Variants in DPP10 observed in about 807,000 individuals in gnomAD.
DPP10 encodes inactive dipeptidyl peptidase 10.
A neutral mutation model predicts 120.9 loss-of-function variants in DPP10; 33 were observed. The ratio of observed to expected loss-of-function variants is 0.27; its 90% confidence interval spans 0.21 to 0.37. The LOEUF (loss-of-function observed/expected upper bound fraction) is 0.37. DPP10 is among the 10% of genes least tolerant of loss of function. The probability of loss-of-function intolerance (pLI) is 1.00; values close to 1 mark genes in which losing one functional copy is unlikely to be tolerated. For missense variants in DPP10, 816 were observed against 942.8 expected (o/e 0.87, Z 1.76); for synonymous variants, 337 against 326.1 (o/e 1.03, Z -0.36).
chr2:115,187,326 G>A (rs554916118), intron 1 of DPP10, among the ~76,000 whole-genome samples: 41 of 152,006 alleles, frequency 2.7e-4, no homozygotes, highest in Admixed American at 1.9e-3. Flanking sequence ...GTGAGCCACC[G>A]CGCCCGGCCG....
chr2:115,269,914 G>T (rs928087788), intron 1 of DPP10, among the ~76,000 whole-genome samples: 1 of 152,088 alleles, frequency 6.6e-6, no homozygotes, highest in African/African-American at 2.4e-5. Context: ...TTGATCTTGA[G>T]GTTGTAAAGT....
chr2:114,548,299 A>G (rs1167976311), intron 1 of DPP10, among the ~76,000 whole-genome samples: 4 of 152,200 alleles, frequency 2.6e-5, no homozygotes, highest in Non-Finnish European at 5.9e-5. Flanking sequence ...TCATAGCACC[A>G]TGCTCAGAAA....
At chr2:114,481,175 G>A (rs749523406) in intron 1 of DPP10, among the ~76,000 whole-genome samples, 13 of 151,944 alleles carry the variant, frequency 8.6e-5, no homozygotes, top group African/African-American at 1.9e-4. Flanking sequence ...TGCAAACTAC[G>A]TATTCAATGA....
At chr2:114,664,486 G>A (rs919943367) in intron 1 of DPP10, among the ~76,000 whole-genome samples, 3 of 151,796 alleles carry the variant, frequency 2.0e-5, no homozygotes, top group South Asian at 2.1e-4. Context: ...AAACTTAGCC[G>A]GGTGTGGTGG....
chr2:114,461,982 C>A, intron 1 of DPP10: 1 of 985,324 alleles, frequency 1.0e-6, no homozygotes, highest in East Asian at 1.1e-4. Context: ...AGAAGTCTCC[C>A]TGCTGAATCG....
intron 3 of DPP10, among the ~76,000 whole-genome samples, chr2:115,455,034 G>A (rs1488883600): frequency 6.6e-6 from 1 of 150,528 alleles, no homozygotes. Context: ...TATTAATATA[G>A]CATAATTATA....
chr2:114,770,284 A>C (rs1681133755), intron 1 of DPP10, among the ~76,000 whole-genome samples: 1 of 152,178 alleles, frequency 6.6e-6, no homozygotes, highest in East Asian at 1.9e-4. Context: ...ATACCTCTAG[A>C]AGGCTCCTAG....
chr2:114,947,058 A>G (rs1697415857), intron 1 of DPP10, among the ~76,000 whole-genome samples: 1 of 152,112 alleles, frequency 6.6e-6, no homozygotes, highest in Admixed American at 6.5e-5. Context: ...CTAAACGTTC[A>G]AACGTATTGC....
intron 1 of DPP10, among the ~76,000 whole-genome samples, chr2:114,530,491 T>C (rs1685876628): frequency 6.6e-6 from 1 of 152,108 alleles, no homozygotes; most frequent in South Asian, 2.1e-4. Context: ...AGTTTGGGAA[T>C]AAACATAGCC....
At chr2:115,636,134 C>T (rs2086308822) in intron 5 of DPP10, among the ~76,000 whole-genome samples, 1 of 148,964 alleles carries the variant, frequency 6.7e-6, no homozygotes, top group African/African-American at 2.5e-5. Context: ...ATGTTGACCT[C>T]AGTCTAATCG....
rs1343153881 is a variant in DPP10, at chr2:115,590,180, T to TATTATTATTATTATG, written c.441+64213_441+64214insTATTATTATGATTAT. Reference sequence around the variant, plus strand: ...TTATTATTATTATTATTATTATTATTATTATACTTTAAGTTCTAGGGTACA... The same window carrying TATTATTATTATTATG: ...TTATTATTATTATTATTATTATTATTATTATTATTATTATGATTATACTTTAAGTTCTAGGGTACA... On this transcript the variant is annotated intron_variant, in intron 5 of 25. Coordinates refer to ENST00000410059, the MANE Select transcript of DPP10 (RefSeq NM_020868.6). Among the ~76,000 whole-genome samples the TATTATTATTATTATG allele has an allele frequency of 2.6e-5, 3 of 115,776 alleles. No individual in the cohort carries two copies. The East Asian group carries it at 6.9e-4, about 27-fold the overall frequency. 76.0% of individuals were successfully genotyped at this position (115,776 alleles called of 152,430 possible).
chr2:114,945,258 G>T (rs775910218), intron 1 of DPP10, among the ~76,000 whole-genome samples: 1 of 152,132 alleles, frequency 6.6e-6, no homozygotes, highest in Non-Finnish European at 1.5e-5. Context: ...AAAAGTAAAA[G>T]CTTCTGCTCT....
intron 1 of DPP10, among the ~76,000 whole-genome samples, chr2:115,036,626 C>T (rs1391521972): frequency 1.3e-5 from 2 of 152,244 alleles, no homozygotes; most frequent in East Asian, 1.9e-4. Flanking sequence ...AGACAAACTA[C>T]TTTCTGCTTT....
chr2:115,334,942 T>C (rs1254183636), intron 2 of DPP10, among the ~76,000 whole-genome samples: 2 of 151,390 alleles, frequency 1.3e-5, no homozygotes, highest in African/African-American at 2.4e-5. Context: ...TCTACTACTG[T>C]ATTAGTTCAT....
intron 3 of DPP10, among the ~76,000 whole-genome samples, chr2:115,345,243 G>A (rs1248725285): frequency 6.6e-6 from 1 of 152,078 alleles, no homozygotes; most frequent in Non-Finnish European, 1.5e-5. Context: ...TAATGAATCT[G>A]TATATTTTTA....
chr2:114,923,472 C>CTTTTTTTTTTTTT, intron 1 of DPP10, among the ~76,000 whole-genome samples: 1 of 69,422 alleles, frequency 1.4e-5, no homozygotes, highest in Non-Finnish European at 2.5e-5. Context: ...GCCTTTTTTC[C>CTTTTTTTTTTTTT]TTTTTTTTTT....
At chr2:115,055,418 T>G (rs762886936) in intron 1 of DPP10, among the ~76,000 whole-genome samples, 2 of 152,322 alleles carry the variant, frequency 1.3e-5, no homozygotes, top group Admixed American at 6.5e-5. Context: ...AAAAGTGGCT[T>G]TCATTTCCAA....
At chr2:115,335,100 G>A (rs1288754082) in intron 2 of DPP10, among the ~76,000 whole-genome samples, 1 of 151,780 alleles carries the variant, frequency 6.6e-6, no homozygotes, top group Non-Finnish European at 1.5e-5. Context: ...GGGGATGGCA[G>A]GAGGCAAAAA....
intron 10 of DPP10, among the ~76,000 whole-genome samples, chr2:115,749,599 T>C (rs1327295623): frequency 6.6e-6 from 1 of 152,124 alleles, no homozygotes; most frequent in Non-Finnish European, 1.5e-5. Context: ...AATTAATAAA[T>C]TAACCCATGT....
Sources: gnomAD v4.1 joint callset for allele counts (sites outside exome capture counted in the v4.1 genomes callset) on GRCh38, gnomAD v4.1.1 for gene constraint, MANE v1.5 for transcripts, NCBI Gene and HGNC (gene_info 2026-07-23, HGNC 2026-07-21) for gene names.